Variants in ST6GALNAC3 observed in about 807,000 individuals in gnomAD.
ST6GALNAC3 encodes ST6 N-acetylgalactosaminide alpha-2,6-sialyltransferase 3.
A neutral mutation model predicts 32.7 loss-of-function variants in ST6GALNAC3; 25 were observed. The ratio of observed to expected loss-of-function variants is 0.76; its 90% CI spans 0.56 to 1.07. The LOEUF (loss-of-function observed/expected upper bound fraction) is 1.07, where lower values mean the gene tolerates loss of function less well. Among genes scored for constraint, ST6GALNAC3 ranks in the 50% least tolerant of loss-of-function variants. The pLI is 0.00. For synonymous variants in ST6GALNAC3, 129 were observed against 133.1 expected (o/e 0.97, Z 0.21); for missense variants, 355 against 382.4 (o/e 0.93, Z 0.60).
At chr1:76,400,443 CA>C (rs1342366878) in intron 2 of ST6GALNAC3, among the ~76,000 whole-genome samples, 18 of 152,218 alleles carry the variant, frequency 1.2e-4, no homozygotes, top group African/African-American at 4.3e-4. Context: ...AGCCAACAGA[CA>C]AACTATGAAT....
Position 76,627,487 on chromosome 1 carries a change from T to C in ST6GALNAC3, c.659T>C (p.Phe220Ser), listed in dbSNP as rs1649044200. The C allele has an allele frequency of 6.2e-7, 1 of 1,612,602 alleles. No homozygotes were observed. The highest frequency in any genetic ancestry group is 1.7e-5 in the Admixed American group (1 of 59,916). The change falls in exon 4 of 5, where the codon TTT (phenylalanine) becomes TCT (serine). Residue 220 changes from phenylalanine (F) to serine (S), a missense_variant. Transcript: ENST00000328299. ...QSGSYLSTGW[F>S]TFLLAMDACY... ...GGCTCATATCTCAGCACAGGGTGGT[T>C]TACCTTCCTTCTGGCCATGGACGCC...
chr1:76,223,149 C>A (rs1481733448), intron 1 of ST6GALNAC3, among the ~76,000 whole-genome samples: 1 of 152,038 alleles, frequency 6.6e-6, no homozygotes, highest in Non-Finnish European at 1.5e-5. Context: ...CCTAAATGCC[C>A]ATTGATGGTA....
rs78675561 is a variant in ST6GALNAC3, at chr1:76,189,892, G to A, written c.18+115008G>A. Among the ~76,000 whole-genome samples the A allele has an allele frequency of 2.4e-3, 371 of 152,260 alleles. 2 individuals carry two copies. The highest frequency in any genetic ancestry group is 0.014 in the Middle Eastern group (4 of 294). On this transcript the variant is annotated intron_variant, in intron 1 of 4. Transcript: ENST00000328299. ...CTCTGAGGGCCATTAAGTGGGGACC[G>A]AAATTCTAAAAGCTCAATTCTTAGC...
chr1:76,476,202 GA>G (rs1659344780), intron 3 of ST6GALNAC3, among the ~76,000 whole-genome samples: 1 of 152,096 alleles, frequency 6.6e-6, no homozygotes, highest in Non-Finnish European at 1.5e-5. Flanking sequence ...GTCAGAAAAT[GA>G]ACAATGTTCT....
intron 3 of ST6GALNAC3, among the ~76,000 whole-genome samples, chr1:76,495,427 G>C (rs1042341075): frequency 9.9e-5 from 15 of 152,068 alleles, no homozygotes; most frequent in African/African-American, 3.4e-4. Flanking sequence ...TGCAAAAAGT[G>C]TCATGACTTA....
chr1:76,196,658 G>A (rs77749249), intron 1 of ST6GALNAC3, among the ~76,000 whole-genome samples: 16,006 of 152,004 alleles, frequency 0.11, 991 homozygotes, highest in Non-Finnish European at 0.14. Flanking sequence ...TAGAGATGGT[G>A]TTTCACCATG....
At chr1:76,151,801 A>T (rs1651062424) in intron 1 of ST6GALNAC3, among the ~76,000 whole-genome samples, 1 of 152,180 alleles carries the variant, frequency 6.6e-6, no homozygotes, top group Admixed American at 6.5e-5. Flanking sequence ...TGCAGGTCCC[A>T]TCCCGGATTC....
chr1:76,397,039 C>A (rs2101187080), intron 2 of ST6GALNAC3, among the ~76,000 whole-genome samples: 1 of 151,908 alleles, frequency 6.6e-6, no homozygotes, highest in East Asian at 1.9e-4. Context: ...TTTACTGGGT[C>A]AATAGCCCAT....
At chr1:76,596,666 A>G (rs768549737) in intron 3 of ST6GALNAC3, among the ~76,000 whole-genome samples, 5 of 152,194 alleles carry the variant, frequency 3.3e-5, no homozygotes, top group African/African-American at 4.8e-5. Context: ...AGGGATTGCT[A>G]ACAAGTGAAT....
chr1:76,295,101 T>TC (rs1461793803), intron 1 of ST6GALNAC3, among the ~76,000 whole-genome samples: 1 of 151,850 alleles, frequency 6.6e-6, no homozygotes, highest in Non-Finnish European at 1.5e-5. Flanking sequence ...ATTTTTTTTT[T>TC]CCTCTGGAAG....
intron 3 of ST6GALNAC3, among the ~76,000 whole-genome samples, chr1:76,484,183 T>G (rs1659937651): frequency 6.6e-6 from 1 of 152,226 alleles, no homozygotes; most frequent in South Asian, 2.1e-4. Flanking sequence ...TCTTTTGGCT[T>G]AGGATTGACT....
intron 3 of ST6GALNAC3, among the ~76,000 whole-genome samples, chr1:76,434,413 C>T (rs1290012919): frequency 6.6e-6 from 1 of 152,168 alleles, no homozygotes; most frequent in Non-Finnish European, 1.5e-5. Context: ...ATCAAGCTCA[C>T]ATAGTATGAC....
intron 3 of ST6GALNAC3, among the ~76,000 whole-genome samples, chr1:76,578,616 G>A (rs1342243255): frequency 6.6e-6 from 1 of 151,956 alleles, no homozygotes; most frequent in African/African-American, 2.4e-5. Context: ...TAAGTCGAGT[G>A]CATTTTCTCC....
intron 2 of ST6GALNAC3, among the ~76,000 whole-genome samples, chr1:76,351,368 G>A (rs995759345): frequency 6.6e-6 from 1 of 151,932 alleles, no homozygotes; most frequent in African/African-American, 2.4e-5. Flanking sequence ...TATCTATATT[G>A]TTTTAAACTC....
intron 1 of ST6GALNAC3, among the ~76,000 whole-genome samples, chr1:76,126,372 GTCTTTCTTTCT>G (rs978280607): frequency 2.0e-5 from 3 of 151,994 alleles, no homozygotes; most frequent in Non-Finnish European, 4.4e-5. Context: ...TAAGGGAAAA[GTCTTTCTTTCT>G]TCTTTCTTTC....
intron 3 of ST6GALNAC3, among the ~76,000 whole-genome samples, chr1:76,487,930 G>T (rs895054754): frequency 6.6e-6 from 1 of 152,130 alleles, no homozygotes. Context: ...CTGTTTGTTA[G>T]TTTTCCTTCT....
At chr1:76,335,605 C>T (rs1647405093) in intron 2 of ST6GALNAC3, among the ~76,000 whole-genome samples, 1 of 152,142 alleles carries the variant, frequency 6.6e-6, no homozygotes, top group African/African-American at 2.4e-5. Flanking sequence ...TTGGCCCTGG[C>T]AGGAAATTGA....
At chr1:76,475,242 C>T (rs58266418) in intron 3 of ST6GALNAC3, among the ~76,000 whole-genome samples, 2,775 of 152,226 alleles carry the variant, frequency 0.018, 79 homozygotes, top group African/African-American at 0.064. Flanking sequence ...TGTAGTGTAG[C>T]GGCTTACGCT....
At chr1:76,099,178 A>C (rs1441028951) in intron 1 of ST6GALNAC3, among the ~76,000 whole-genome samples, 5 of 152,150 alleles carry the variant, frequency 3.3e-5, no homozygotes, top group African/African-American at 1.2e-4. Flanking sequence ...TTTTATGATA[A>C]GTCTTTATTT....
Sources: gnomAD v4.1 joint callset for allele counts (sites outside exome capture counted in the v4.1 genomes callset) on GRCh38, gnomAD v4.1.1 for gene constraint, MANE v1.5 for transcripts, NCBI Gene and HGNC (gene_info 2026-07-23, HGNC 2026-07-21) for gene names.